RAB27B: variants seen among roughly 807,000 people sequenced by gnomAD.
RAB27B encodes the protein RAB27B, member RAS oncogene family, also known as ras-related protein Rab-27B.
Under a neutral mutation model 24.6 loss-of-function variants are expected in RAB27B, and 15 were observed. The observed-to-expected ratio is 0.61, with a 90% CI of 0.41 to 0.94. The LOEUF (loss-of-function observed/expected upper bound fraction) is 0.94. RAB27B is among the 40% of genes least tolerant of loss of function. The pLI, the probability that RAB27B is intolerant of heterozygous loss-of-function variation, is 0.00. For missense variants in RAB27B, 261 were observed against 266.8 expected (o/e 0.98, Z 0.15); for synonymous variants, 105 against 92.5 (o/e 1.14, Z -0.78).
chr18:54,823,354 C>T (rs1253049462), intron 2 of RAB27B, among the ~76,000 whole-genome samples: 1 of 152,212 alleles, frequency 6.6e-6, no homozygotes, highest in African/African-American at 2.4e-5. Flanking sequence ...GCATAACTTT[C>T]TGGTGAAGCC....
intron 3 of RAB27B, among the ~76,000 whole-genome samples, chr18:54,883,893 C>T (rs992437104): frequency 1.4e-4 from 22 of 152,158 alleles, no homozygotes; most frequent in African/African-American, 5.1e-4. Context: ...GTTGCGGTTT[C>T]CTTCATATCA....
chr18:54,768,241 AAC>A (rs1446662429), intron 2 of RAB27B, among the ~76,000 whole-genome samples: 6 of 152,322 alleles, frequency 3.9e-5, no homozygotes, highest in African/African-American at 1.4e-4. Flanking sequence ...GTGTTACGGG[AAC>A]ACAAAAATGT....
At chr18:54,822,716 A>C (rs555425406) in intron 2 of RAB27B, among the ~76,000 whole-genome samples, 1 of 152,318 alleles carries the variant, frequency 6.6e-6, no homozygotes, top group African/African-American at 2.4e-5. Context: ...ACTAGTTTTT[A>C]AAATTGATTA....
At chr18:54,833,020 G>T (rs565094200) in intron 1 of RAB27B, among the ~76,000 whole-genome samples, 1 of 152,130 alleles carries the variant, frequency 6.6e-6, no homozygotes, top group African/African-American at 2.4e-5. Context: ...ATGACTTGTA[G>T]AACAGATGAA....
At chr18:54,810,399 C>A (rs1162206723) in intron 2 of RAB27B, among the ~76,000 whole-genome samples, 1 of 152,064 alleles carries the variant, frequency 6.6e-6, no homozygotes, top group Non-Finnish European at 1.5e-5. Flanking sequence ...TTGTTATTAT[C>A]ATCTAATTTA....
At chr18:54,829,810 G>T (rs1277770587) in intron 1 of RAB27B, among the ~76,000 whole-genome samples, 1 of 152,164 alleles carries the variant, frequency 6.6e-6, no homozygotes, top group African/African-American at 2.4e-5. Flanking sequence ...TACCTGTCAT[G>T]TGCCATTGCC....
At chr18:54,879,509 A>G (rs1461201425) in intron 3 of RAB27B, 55 bp downstream of exon 3, 4 of 1,400,622 alleles carry the variant, frequency 2.9e-6, no homozygotes, top group Non-Finnish European at 3.0e-6. Context: ...AACTTACTTT[A>G]AAATGAATTC....
At chr18:54,794,652 G>A (rs965940700) in intron 2 of RAB27B, among the ~76,000 whole-genome samples, 31 of 152,274 alleles carry the variant, frequency 2.0e-4, no homozygotes, top group South Asian at 2.1e-4. Context: ...GGAAGTTCAC[G>A]TAAAAAATCT....
At chr18:54,808,357 G>C (rs2145144366) in intron 2 of RAB27B, among the ~76,000 whole-genome samples, 1 of 152,274 alleles carries the variant, frequency 6.6e-6, no homozygotes, top group African/African-American at 2.4e-5. Context: ...GAGGCCCACT[G>C]TGCACCAACT....
chr18:54,767,601 C>G (rs1004626516), intron 2 of RAB27B, among the ~76,000 whole-genome samples: 1 of 152,068 alleles, frequency 6.6e-6, no homozygotes, highest in Non-Finnish European at 1.5e-5. Flanking sequence ...AGATGATGAT[C>G]GTGAATAATA....
At chr18:54,849,154 C>T (rs1911453949) in intron 1 of RAB27B, among the ~76,000 whole-genome samples, 2 of 152,114 alleles carry the variant, frequency 1.3e-5, no homozygotes, top group African/African-American at 2.4e-5. Context: ...TCAGGGCCTG[C>T]CTGAACCTCC....
chr18:54,814,327 T>C (rs1910057756), intron 2 of RAB27B, among the ~76,000 whole-genome samples: 1 of 152,234 alleles, frequency 6.6e-6, no homozygotes, highest in Non-Finnish European at 1.5e-5. Context: ...AACTATTCTA[T>C]TTTTAAAACC....
chr18:54,834,809 C>T (rs967911383), intron 1 of RAB27B, among the ~76,000 whole-genome samples: 1 of 150,126 alleles, frequency 6.7e-6, no homozygotes, highest in African/African-American at 2.5e-5. Flanking sequence ...TTTTAGTCCT[C>T]TTTCTGGCTT....
intron 2 of RAB27B, among the ~76,000 whole-genome samples, chr18:54,809,648 G>A (rs1210026021): frequency 2.0e-5 from 3 of 152,138 alleles, no homozygotes; most frequent in Non-Finnish European, 2.9e-5. Context: ...GTGTTTGGAG[G>A]CAAACCTGTT....
At chr18:54,837,850 G>A (rs898066899) in intron 1 of RAB27B, among the ~76,000 whole-genome samples, 1 of 152,022 alleles carries the variant, frequency 6.6e-6, no homozygotes, top group Non-Finnish European at 1.5e-5. Context: ...TAATAAATAT[G>A]CCTGTAGCTT....
chr18:54,721,378 G>A lies in RAB27B; in HGVS notation c.-20+3237G>A, dbSNP rs74603428. Among the ~76,000 whole-genome samples the A allele has an allele frequency of 3.4e-3, 518 of 152,228 alleles. 18 individuals carry two copies. In the East Asian group the frequency reaches 0.086, roughly 25 times the overall value. Reference sequence around the variant, plus strand: ...ATTAGTTGATAGGGAGGAAGTTAACGCTAAGGAAACTTGTTGATAAATATT... The same window carrying A: ...ATTAGTTGATAGGGAGGAAGTTAACACTAAGGAAACTTGTTGATAAATATT... On this transcript the variant is annotated intron_variant, in intron 2 of 4. Transcript: ENST00000586570.
rs536626435 is a variant in RAB27B, at chr18:54,875,917, C to T, written c.-19-1650C>T. On this transcript the variant is annotated intron_variant, in intron 1 of 5. Coordinates refer to ENST00000262094, the MANE Select transcript of RAB27B (RefSeq NM_004163.4). ...ATGTACATGTACCAATTTTTTTACA[C>T]ATAAAAAGTTATTAGAATTATCTAG... 5.9e-5 allele frequency among the ~76,000 whole-genome samples: 9 copies of T among 152,134 alleles called. No homozygotes were observed. The South Asian group carries it at 1.0e-3, about 18-fold the overall frequency.
chr18:54,730,536 T>C (rs1452294834), intron 2 of RAB27B, among the ~76,000 whole-genome samples: 3 of 152,056 alleles, frequency 2.0e-5, no homozygotes, highest in Non-Finnish European at 4.4e-5. Context: ...CATGTTGAAA[T>C]GTGACCTCCA....
At chr18:54,841,297 T>G (rs920260316) in intron 1 of RAB27B, among the ~76,000 whole-genome samples, 7 of 152,140 alleles carry the variant, frequency 4.6e-5, no homozygotes, top group East Asian at 1.9e-4. Context: ...GTCCTAAATA[T>G]GTACAGACTT....
Sources: allele counts gnomAD v4.1 joint callset (sites outside exome capture counted in the v4.1 genomes callset), GRCh38; gene constraint gnomAD v4.1.1; transcripts MANE v1.5; gene names NCBI Gene and HGNC (gene_info 2026-07-23, HGNC 2026-07-21).